Variants in KDM4C observed in about 807,000 individuals in gnomAD.
The protein encoded by KDM4C is lysine demethylase 4C, also known as lysine-specific demethylase 4C.
A neutral mutation model predicts 129.3 loss-of-function variants in KDM4C; 81 were observed. That is an observed-to-expected ratio of 0.63 (90% confidence interval 0.52 to 0.75). The LOEUF (loss-of-function observed/expected upper bound fraction) is 0.75. Among genes scored for constraint, KDM4C ranks in the 30% least tolerant of loss-of-function variants. KDM4C has a pLI of 0.00. For synonymous variants in KDM4C, 573 were observed against 456.1 expected, an observed-to-expected ratio of 1.26 and a Z score of -3.26; for missense variants, 1,457 against 1,304.0, an observed-to-expected ratio of 1.12 and a Z score of -1.81.
At chr9:7,053,604 T>C (rs913266945) in intron 17 of KDM4C, among the ~76,000 whole-genome samples, 7 of 152,232 alleles carry the variant, frequency 4.6e-5, no homozygotes. Flanking sequence ...CAAGACATTA[T>C]ATTTTCTTTT....
Position 6,765,869 on chromosome 9 carries a change from A to G in KDM4C, c.-18+7666A>G, listed in dbSNP as rs371763308. ...AGTGGTGTGATCTCGGCTCACTGCA[A>G]CCTTCACCTCCTGGGTTCAAGCTAT... On this transcript the variant is annotated intron_variant, in intron 1 of 21. Coordinates refer to ENST00000381309, the MANE Select transcript of KDM4C (RefSeq NM_015061.6). Among the ~76,000 whole-genome samples, 19 of 151,168 alleles carry G rather than the reference A, an allele frequency of 1.3e-4. No homozygotes were observed. The South Asian group carries it at 4.0e-3, about 32-fold the overall frequency.
Position 6,986,297 on chromosome 9 carries a change from A to G in KDM4C, c.1355-47A>G, listed in dbSNP as rs1449573180. The G allele has an allele frequency of 3.1e-6, 4 of 1,296,564 alleles. No individual in the cohort carries two copies. The African/African-American group carries it at 4.4e-5, about 14-fold the overall frequency. 80.3% of individuals were successfully genotyped at this position (1,296,564 alleles called of 1,614,324 possible). A position where few individuals can be genotyped will look rare whatever the true frequency, so the allele number is the denominator to read the frequency against. ...GAATAGTTTACCAATTCTACTTAGT[A>G]GTAATACAGTGCATGATTTATTAAC... On this transcript the variant is annotated intron_variant, in intron 10 of 21. Transcript: ENST00000381309.
At chr9:6,870,904 C>T (rs995572215) in intron 5 of KDM4C, among the ~76,000 whole-genome samples, 4 of 152,152 alleles carry the variant, frequency 2.6e-5, no homozygotes, top group African/African-American at 9.7e-5. Context: ...AAGGAATTCT[C>T]CCCTCTGTGG....
chr9:6,830,669 T>A (rs752549152), intron 4 of KDM4C, among the ~76,000 whole-genome samples: 1 of 152,248 alleles, frequency 6.6e-6, no homozygotes, highest in Non-Finnish European at 1.5e-5. Flanking sequence ...CCTTTTCCAT[T>A]GAAGGAATAA....
chr9:6,793,157 T>C, intron 2 of KDM4C, 25 bp downstream of exon 2: 1 of 1,599,876 alleles, frequency 6.3e-7, no homozygotes, highest in Non-Finnish European at 8.5e-7. Flanking sequence ...ATGCTTTAAA[T>C]GAAAAACAAT....
chr9:7,005,435 CAAAAA>C lies in KDM4C; in HGVS notation c.1787-6250_1787-6246del, dbSNP rs35671520. 2.4e-5 allele frequency among the ~76,000 whole-genome samples: 3 copies of C among 124,086 alleles called. No homozygotes were observed. The Admixed American group carries it at 2.5e-4, about 10-fold the overall frequency. 81.4% of individuals were successfully genotyped at this position (124,086 alleles called of 152,430 possible). A position where few individuals can be genotyped will look rare whatever the true frequency, so the allele number is the denominator to read the frequency against. On this transcript the variant is annotated intron_variant, in intron 12 of 21. Transcript: ENST00000381309. ...GGGCAACAAAAGTGAAACTCTGTCTCAAAAAAAAAAAAAAAAAGACCACATGAGTA... is the reference window on the plus strand; with the variant it reads ...GGGCAACAAAAGTGAAACTCTGTCTCAAAAAAAAAAAAGACCACATGAGTA...
chr9:7,036,256 G>T (rs1827628072), intron 15 of KDM4C, among the ~76,000 whole-genome samples: 1 of 151,970 alleles, frequency 6.6e-6, no homozygotes, highest in Admixed American at 6.6e-5. Flanking sequence ...GCTGTTTGTT[G>T]TCAGTGGTCA....
chr9:6,801,526 C>G (rs1369808693), intron 2 of KDM4C, among the ~76,000 whole-genome samples: 2 of 151,082 alleles, frequency 1.3e-5, no homozygotes. Flanking sequence ...CGTGAGCTAC[C>G]GTGCCCAGCC....
chr9:6,889,855 G>C (rs990545368), intron 7 of KDM4C, among the ~76,000 whole-genome samples: 43 of 152,174 alleles, frequency 2.8e-4, no homozygotes, highest in African/African-American at 1.0e-3. Context: ...CAGGAGGGAG[G>C]CCTCTGGAGC....
chr9:6,778,490 G>A (rs986754670), intron 1 of KDM4C, among the ~76,000 whole-genome samples: 3 of 151,842 alleles, frequency 2.0e-5, no homozygotes, highest in African/African-American at 4.8e-5. Context: ...TCCAAGGCCC[G>A]GTGCGGTAGC....
chr9:6,814,182 A>C (rs989633718), intron 3 of KDM4C, among the ~76,000 whole-genome samples: 1 of 152,190 alleles, frequency 6.6e-6, no homozygotes, highest in Non-Finnish European at 1.5e-5. Context: ...TATATTCAGC[A>C]TTTACCAATA....
intron 8 of KDM4C, among the ~76,000 whole-genome samples, chr9:6,943,129 A>G (rs555205354): frequency 4.6e-5 from 7 of 152,006 alleles, no homozygotes; most frequent in African/African-American, 1.4e-4. Flanking sequence ...CAGCCTCCCA[A>G]AGTTTTGGGA....
At chr9:7,130,028 G>A (rs1281897164) in intron 19 of KDM4C, among the ~76,000 whole-genome samples, 1 of 152,206 alleles carries the variant, frequency 6.6e-6, no homozygotes, top group Non-Finnish European at 1.5e-5. Flanking sequence ...AATAGGAGAA[G>A]GGATATGCAG....
intron 8 of KDM4C, among the ~76,000 whole-genome samples, chr9:6,919,235 T>C (rs544704928): frequency 1.1e-5 from 1 of 90,562 alleles, no homozygotes; most frequent in Admixed American, 1.0e-4. Context: ...TCTTTCTTTC[T>C]TTCTTTCTTT....
chr9:6,925,405 TC>T, intron 8 of KDM4C: 1 of 977,278 alleles, frequency 1.0e-6, no homozygotes, highest in Non-Finnish European at 1.2e-6. Context: ...TTTCTTTCCT[TC>T]CCTTTCCCTT....
intron 8 of KDM4C, among the ~76,000 whole-genome samples, chr9:6,929,894 A>T (rs11788849): frequency 3.3e-5 from 5 of 151,990 alleles, no homozygotes; most frequent in African/African-American, 4.8e-5. Context: ...CCCTCTGCCA[A>T]TTCTTTCTTT....
chr9:6,774,439 C>T (rs1204876191), intron 1 of KDM4C, among the ~76,000 whole-genome samples: 3 of 152,130 alleles, frequency 2.0e-5, no homozygotes, highest in South Asian at 2.1e-4. Context: ...CCGAGGTGTG[C>T]GAATCACTTG....
At chr9:6,794,476 G>T (rs1343962951) in intron 2 of KDM4C, among the ~76,000 whole-genome samples, 1 of 152,194 alleles carries the variant, frequency 6.6e-6, no homozygotes, top group Non-Finnish European at 1.5e-5. Context: ...CTTAAAGTGG[G>T]AGAGGAAGAT....
At chr9:7,111,814 A>G (rs1464030629) in intron 18 of KDM4C, among the ~76,000 whole-genome samples, 1 of 152,158 alleles carries the variant, frequency 6.6e-6, no homozygotes, top group Non-Finnish European at 1.5e-5. Flanking sequence ...GTTTTTATAT[A>G]TCCCTGAATT....
Sources: allele counts gnomAD v4.1 joint callset (sites outside exome capture counted in the v4.1 genomes callset), GRCh38; gene constraint gnomAD v4.1.1; transcripts MANE v1.5; gene names NCBI Gene and HGNC (gene_info 2026-07-23, HGNC 2026-07-21).